Variants in ASB7 observed in about 807,000 individuals in gnomAD.
The protein encoded by ASB7 is ankyrin repeat and SOCS box containing 7, also known as ankyrin repeat and SOCS box protein 7.
A neutral mutation model predicts 32.5 loss-of-function variants in ASB7; 4 were observed. The observed-to-expected ratio is 0.12, with a 90% CI of 0.06 to 0.28. ASB7 has a LOEUF of 0.28. Among genes scored for constraint, ASB7 ranks in the 10% least tolerant of loss-of-function variants. The probability of loss-of-function intolerance (pLI) is 1.00; values close to 1 mark genes in which losing one functional copy is unlikely to be tolerated. For missense variants in ASB7, 181 were observed against 407.1 expected (o/e 0.44, Z 4.78); for synonymous variants, 172 against 155.6 (o/e 1.11, Z -0.78).
At chr15:100,615,009 T>C (rs993647299) in intron 4 of ASB7, among the ~76,000 whole-genome samples, 1 of 152,170 alleles carries the variant, frequency 6.6e-6, no homozygotes. Flanking sequence ...TACTGTACCT[T>C]TTCTATGGTT....
chr15:100,647,460 C>T (rs544220678), intron 5 of ASB7, among the ~76,000 whole-genome samples: 4 of 152,294 alleles, frequency 2.6e-5, no homozygotes, highest in African/African-American at 9.6e-5. Context: ...GCAAAACTTC[C>T]TTGACTCCAA....
chr15:100,616,224 T>C (rs935537239), intron 4 of ASB7, among the ~76,000 whole-genome samples: 3 of 152,220 alleles, frequency 2.0e-5, no homozygotes, highest in Admixed American at 6.5e-5. Flanking sequence ...ATTGCAAGAC[T>C]GGGCTTTTTG....
intron 5 of ASB7, among the ~76,000 whole-genome samples, chr15:100,633,468 T>C (rs550578971): frequency 6.6e-6 from 1 of 152,126 alleles, no homozygotes; most frequent in East Asian, 1.9e-4. Context: ...TCCCAGTTAC[T>C]TGGAAGGCTG....
At chr15:100,644,842 CATCCCTGTACAG>C (rs1225668713) in intron 5 of ASB7, among the ~76,000 whole-genome samples, 1 of 151,456 alleles carries the variant, frequency 6.6e-6, no homozygotes, top group Non-Finnish European at 1.5e-5. Context: ...GTGTGTGTCA[CATCCCTGTACAG>C]ATCCATGTAC....
chr15:100,649,788 T>C lies in ASB7; in HGVS notation c.*1326T>C, dbSNP rs775634665. ...AAACGTATTCTGGCTTGATTTGTGT[T>C]ATTAACTTCAGAAGAACCTTTTCAA... On this transcript the variant is annotated 3_prime_UTR_variant, in exon 6 of 6. Coordinates refer to ENST00000332783, the MANE Select transcript of ASB7 (RefSeq NM_198243.3). 2 of 152,236 alleles carry C rather than the reference T, an allele frequency of 1.3e-5. No homozygotes were observed. Among genetic ancestry groups the C allele is most frequent in the African/African-American group, 2.4e-5 (1 of 41,458 alleles). 9.4% of individuals were successfully genotyped at this position (152,236 alleles called of 1,614,324 possible).
chr15:100,607,067 C>T (rs953714179), intron 2 of ASB7, among the ~76,000 whole-genome samples: 4 of 151,802 alleles, frequency 2.6e-5, no homozygotes, highest in African/African-American at 9.7e-5. Flanking sequence ...GCAGGAGAAT[C>T]GCTTGAACCC....
At chr15:100,641,086 C>T (rs148724330) in intron 5 of ASB7, among the ~76,000 whole-genome samples, 2,358 of 23,202 alleles carry the variant, frequency 0.1, 31 homozygotes, top group Non-Finnish European at 0.16. Context: ...AAGTAGTTTT[C>T]TAACAGGGGA....
intron 5 of ASB7, among the ~76,000 whole-genome samples, chr15:100,633,673 A>G (rs2039901440): frequency 6.8e-6 from 1 of 147,608 alleles, no homozygotes; most frequent in Non-Finnish European, 1.5e-5. Flanking sequence ...AGGAAGGAGG[A>G]AGGAAGGAAG....
Position 100,611,531 on chromosome 15 carries a change from G to A in ASB7, c.-51-635G>A, listed in dbSNP as rs1187545749. 1.0e-4 allele frequency among the ~76,000 whole-genome samples: 11 copies of A among 108,524 alleles called. No homozygotes were observed. The Admixed American group carries it at 1.2e-3, about 11-fold the overall frequency. 71.2% of individuals were successfully genotyped at this position (108,524 alleles called of 152,430 possible). On this transcript the variant is annotated intron_variant, in intron 3 of 5. Coordinates refer to ENST00000332783, the MANE Select transcript of ASB7 (RefSeq NM_198243.3). ...ATTTCACTCTCTTGCCCAGGCTGGA[G>A]TGCAGTGGCGCAATCTCAGCTCAAT...
At chr15:100,628,070 C>T (rs2039854614) in intron 4 of ASB7, among the ~76,000 whole-genome samples, 1 of 152,186 alleles carries the variant, frequency 6.6e-6, no homozygotes, top group South Asian at 2.1e-4. Flanking sequence ...GTATATTTTT[C>T]TTTCAGTTAA....
At chr15:100,625,770 C>T (rs929975223) in intron 4 of ASB7, among the ~76,000 whole-genome samples, 1 of 152,146 alleles carries the variant, frequency 6.6e-6, no homozygotes, top group African/African-American at 2.4e-5. Context: ...GCTATTAAAA[C>T]TTACTATAAG....
chr15:100,617,843 A>C (rs1281913576), intron 4 of ASB7, among the ~76,000 whole-genome samples: 1 of 152,236 alleles, frequency 6.6e-6, no homozygotes, highest in Non-Finnish European at 1.5e-5. Context: ...AACACCAGTT[A>C]TCTAAAGTAA....
In ASB7 at chr15:100,650,101, G is replaced by C. The variant is rs1256897983; in HGVS notation, c.*1639G>C. Reference sequence around the variant, plus strand: ...TTGCACAGGTTTCCGAAGACGGGCAGCTTCAGAGAAGAGGATTATTCGGGA... The same window carrying C: ...TTGCACAGGTTTCCGAAGACGGGCACCTTCAGAGAAGAGGATTATTCGGGA... On this transcript the variant is annotated 3_prime_UTR_variant, in exon 6 of 6. Transcript: ENST00000332783. 6.6e-6 allele frequency: 1 copy of C among 152,262 alleles called. No individual in the cohort carries two copies. The highest frequency in any genetic ancestry group is 2.4e-5 in the African/African-American group (1 of 41,458). The allele number at this position is 152,262 out of a possible 1,614,324, so 9.4% of individuals were successfully genotyped here.
At position 100,651,621 on chromosome 15, in the gene ASB7, A is replaced by G. The variant is rs1432829625; in HGVS notation, c.*3159A>G. 1.3e-5 allele frequency: 2 copies of G among 152,232 alleles called. No individual in the cohort carries two copies. Among genetic ancestry groups the G allele is most frequent in the Non-Finnish European group, 2.9e-5 (2 of 68,046 alleles). The allele number at this position is 152,232 out of a possible 1,614,324, so 9.4% of individuals were successfully genotyped here. On this transcript the variant is annotated 3_prime_UTR_variant, in exon 6 of 6. Coordinates refer to ENST00000332783, the MANE Select transcript of ASB7 (RefSeq NM_198243.3). ...CATGTAACTCCTAGTGTGTTATATC[A>G]TAATGTATTTTGTTCTTCCTTTTTA...
chr15:100,623,210 C>A (rs1567114435), intron 4 of ASB7, among the ~76,000 whole-genome samples: 1 of 152,118 alleles, frequency 6.6e-6, no homozygotes. Flanking sequence ...ACCAGCTTGG[C>A]CAACATGGTA....
intron 5 of ASB7, among the ~76,000 whole-genome samples, chr15:100,640,536 G>A (rs1043723765): frequency 6.6e-6 from 1 of 152,212 alleles, no homozygotes; most frequent in African/African-American, 2.4e-5. Flanking sequence ...GAGTCTGGAA[G>A]TTCAGGTGTG....
chr15:100,613,314 G>A (rs907288732), intron 4 of ASB7, among the ~76,000 whole-genome samples: 68 of 152,342 alleles, frequency 4.5e-4, no homozygotes, highest in Non-Finnish European at 1.2e-4. Flanking sequence ...GCAGAAAAAT[G>A]TTGGAAGTTC....
chr15:100,645,662 G>C, intron 5 of ASB7: 8 of 1,341,718 alleles, frequency 6.0e-6, no homozygotes, highest in Non-Finnish European at 8.6e-6. Flanking sequence ...TGTATGTGAG[G>C]TTAGGGACGG....
At chr15:100,640,341 C>T (rs1203655362) in intron 5 of ASB7, among the ~76,000 whole-genome samples, 3 of 152,082 alleles carry the variant, frequency 2.0e-5, no homozygotes, top group Admixed American at 6.6e-5. Context: ...GATGGGGTTT[C>T]GCCATGATGG....
Sources: allele counts gnomAD v4.1 joint callset (sites outside exome capture counted in the v4.1 genomes callset), GRCh38; gene constraint gnomAD v4.1.1; transcripts MANE v1.5; gene names NCBI Gene and HGNC (gene_info 2026-07-23, HGNC 2026-07-21).